The following CNNM1 variants were observed in gnomAD, a reference collection of about 807,000 sequenced individuals.
CNNM1 encodes the protein cyclin and CBS domain divalent metal cation transport mediator 1.
A neutral mutation model predicts 78.8 loss-of-function variants in CNNM1; 44 were observed. That is an observed-to-expected ratio of 0.56 (90% CI 0.44 to 0.72). The LOEUF is 0.72. Among genes scored for constraint, CNNM1 ranks in the 30% least tolerant of loss-of-function variants. The pLI is 0.00. For missense variants in CNNM1, 1,101 were observed against 1,292.2 expected (o/e 0.85, Z 2.27); for synonymous variants, 584 against 581.5 (o/e 1.00, Z -0.06).
chr10:99,349,620 C>T (rs1387966066), intron 1 of CNNM1, among the ~76,000 whole-genome samples: 1 of 152,200 alleles, frequency 6.6e-6, no homozygotes, highest in Non-Finnish European at 1.5e-5. Flanking sequence ...TGTTTCCAAT[C>T]CAAGGACCAC....
intron 7 of CNNM1, 48 bp downstream of exon 7, chr10:99,377,266 G>T: frequency 6.3e-7 from 1 of 1,581,006 alleles, no homozygotes; most frequent in Non-Finnish European, 8.7e-7. Flanking sequence ...GGGCAGTGTT[G>T]GCTGGCTGAG....
At position 99,334,290 on chromosome 10, in the gene CNNM1, G is replaced by A. The variant is rs12768807; in HGVS notation, c.1573+3330G>A. 4.6e-5 allele frequency among the ~76,000 whole-genome samples: 7 copies of A among 152,332 alleles called. No homozygotes were observed. In the South Asian group the frequency reaches 1.5e-3, roughly 32 times the overall value. ...TATAACATAGTGGTCATTTTCTTTA[G>A]GAGTTATACATTTGCACCATAGGTT... On this transcript the variant is annotated intron_variant, in intron 1 of 10. Transcript: ENST00000356713.
chr10:99,354,645 T>C (rs1284351032), intron 1 of CNNM1, among the ~76,000 whole-genome samples: 3 of 152,028 alleles, frequency 2.0e-5, no homozygotes, highest in Non-Finnish European at 4.4e-5. Context: ...AGATTCAGAG[T>C]CGGGTAGATC....
intron 7 of CNNM1, among the ~76,000 whole-genome samples, chr10:99,384,221 T>A (rs1331830895): frequency 1.3e-5 from 2 of 152,214 alleles, no homozygotes; most frequent in African/African-American, 2.4e-5. Context: ...CAAGAAGTGA[T>A]ACCCGAACCT....
At chr10:99,348,437 A>AT (rs1008046941) in intron 1 of CNNM1, among the ~76,000 whole-genome samples, 1 of 152,166 alleles carries the variant, frequency 6.6e-6, no homozygotes, top group African/African-American at 2.4e-5. Context: ...GATTTTGTGC[A>AT]TTGTGCTCAT....
chr10:99,342,794 A>C (rs1360671872), intron 1 of CNNM1, among the ~76,000 whole-genome samples: 1 of 152,132 alleles, frequency 6.6e-6, no homozygotes, highest in Non-Finnish European at 1.5e-5. Flanking sequence ...CTTTATAAAC[A>C]CAAGAGGCTC....
At chr10:99,342,552 A>G (rs1295482378) in intron 1 of CNNM1, among the ~76,000 whole-genome samples, 1 of 152,160 alleles carries the variant, frequency 6.6e-6, no homozygotes, top group Non-Finnish European at 1.5e-5. Flanking sequence ...TTTTTAAGCT[A>G]GAGAAAGGGA....
chr10:99,365,480 C>G (rs2031584295), intron 6 of CNNM1, among the ~76,000 whole-genome samples: 1 of 152,156 alleles, frequency 6.6e-6, no homozygotes, highest in South Asian at 2.1e-4. Flanking sequence ...GCTTATCTGC[C>G]TCTCTTTCTT....
At chr10:99,332,580 A>G (rs2029969118) in intron 1 of CNNM1, among the ~76,000 whole-genome samples, 1 of 152,108 alleles carries the variant, frequency 6.6e-6, no homozygotes, top group African/African-American at 2.4e-5. Context: ...GGAAAATTCA[A>G]TCTCACTACT....
At position 99,387,967 on chromosome 10, in the gene CNNM1, G is replaced by T; in HGVS notation, c.2488G>T (p.Ala830Ser). 6.2e-7 allele frequency: 1 copy of T among 1,600,032 alleles called. No individual in the cohort carries two copies. Among genetic ancestry groups the T allele is most frequent in the East Asian group, 2.2e-5 (1 of 44,802 alleles). ...ACCCCAGACCCCTAAGGATGACCCC[G>T]CCATCACGCTCCTCAACAACAGGAA... ...GTPQTPKDDP[A>S]ITLLNNRNSL... The change falls in exon 8 of 11, where the codon GCC becomes TCC. Residue 830 changes from alanine (A) to serine (S), a missense_variant. Coordinates refer to ENST00000356713, the MANE Select transcript of CNNM1 (RefSeq NM_020348.3).
chr10:99,393,610 A>G lies in CNNM1; in HGVS notation c.*2094A>G, dbSNP rs920174954. 6.6e-6 allele frequency: 1 copy of G among 152,550 alleles called. No homozygotes were observed. The highest frequency in any genetic ancestry group is 1.5e-5 in the Non-Finnish European group (1 of 68,018). 9.4% of individuals were successfully genotyped at this position (152,550 alleles called of 1,614,324 possible). ...TGAAGTGGATACTGGGCAGTTCGAG[A>G]CAGGTTTTTAATCATAAGTGGTCTT... On this transcript the variant is annotated 3_prime_UTR_variant, in exon 11 of 11. Coordinates refer to ENST00000356713, the MANE Select transcript of CNNM1 (RefSeq NM_020348.3).
intron 1 of CNNM1, among the ~76,000 whole-genome samples, chr10:99,353,220 G>GAT (rs1223381459): frequency 2.0e-5 from 3 of 151,948 alleles, no homozygotes; most frequent in Admixed American, 1.3e-4. Context: ...CCTTACTGAT[G>GAT]ATATGCCAGG....
chr10:99,330,171 T>G lies in CNNM1; in HGVS notation c.784T>G (p.Ser262Ala). 1.3e-6 allele frequency: 2 copies of G among 1,522,614 alleles called. No homozygotes were observed. The highest frequency in any genetic ancestry group is 1.8e-6 in the Non-Finnish European group (2 of 1,140,466). 94.3% of individuals were successfully genotyped at this position (1,522,614 alleles called of 1,614,324 possible). ...GTTACGGGTGCTGCGGAACAGCGGC[T>G]CGGCCGCCGAGCAGGAGCAGGCGCG... is the stretch of plus-strand genomic sequence containing the variant. ...VELRVLRNSG[S>A]AAEQEQARRV... The change falls in exon 1 of 11, where the codon TCG becomes GCG. Residue 262 changes from serine (S) to alanine (A), a missense_variant. Physicochemically the swap from Ser to Ala is moderately conservative, Grantham distance 99. Coordinates refer to ENST00000356713, the MANE Select transcript of CNNM1 (RefSeq NM_020348.3).
At chr10:99,383,533 A>G (rs1456407398) in intron 7 of CNNM1, among the ~76,000 whole-genome samples, 2 of 152,122 alleles carry the variant, frequency 1.3e-5, no homozygotes, top group African/African-American at 2.4e-5. Flanking sequence ...CGGCCTCCCA[A>G]AGTGCTGGGA....
intron 1 of CNNM1, among the ~76,000 whole-genome samples, chr10:99,349,896 G>T (rs1019860159): frequency 2.0e-5 from 3 of 152,138 alleles, no homozygotes; most frequent in African/African-American, 7.2e-5. Context: ...CTACTCGGGA[G>T]GCTGAGGCAG....
At chr10:99,377,006 C>CA in intron 6 of CNNM1, 49 bp from the exon 7 acceptor site, 1 of 1,438,368 alleles carries the variant, frequency 7.0e-7, no homozygotes, top group Non-Finnish European at 9.5e-7. Context: ...CCCCTTCTTC[C>CA]TCCCCACCCA....
intron 2 of CNNM1, among the ~76,000 whole-genome samples, chr10:99,359,682 G>A (rs571264014): frequency 1.3e-5 from 2 of 152,228 alleles, no homozygotes; most frequent in South Asian, 2.1e-4. Flanking sequence ...CCAGGGAGCC[G>A]GATTCTGGGG....
Position 99,389,143 on chromosome 10 carries a change from C to T in CNNM1, c.2674+842C>T, listed in dbSNP as rs147701360. On this transcript the variant is annotated intron_variant, in intron 9 of 10. Transcript: ENST00000356713. The stretch of plus-strand genomic sequence containing the variant: ...CAAGATTTTTAAAGTTGGCCGGGCA[C>T]GGTGGCTCATGCCTGTAATCCCAGC... Among the ~76,000 whole-genome samples, 1,327 of 152,192 alleles carry T rather than the reference C, an allele frequency of 8.7e-3. 19 individuals are homozygous for T. The highest frequency in any genetic ancestry group is 0.03 in the African/African-American group (1,226 of 41,528).
chr10:99,355,551 C>T (rs745565033), intron 1 of CNNM1, among the ~76,000 whole-genome samples: 1 of 152,146 alleles, frequency 6.6e-6, no homozygotes, highest in Non-Finnish European at 1.5e-5. Context: ...AAAGAACCAA[C>T]CAGATTTTTA....
Sources: allele counts gnomAD v4.1 joint callset (sites outside exome capture counted in the v4.1 genomes callset), GRCh38; gene constraint gnomAD v4.1.1; transcripts MANE v1.5; gene names NCBI Gene and HGNC (gene_info 2026-07-23, HGNC 2026-07-21).